PITPNM3: variants seen among roughly 807,000 people sequenced by gnomAD.
PITPNM3 encodes membrane-associated phosphatidylinositol transfer protein 3.
A neutral mutation model predicts 102.0 loss-of-function variants in PITPNM3; 26 were observed. The ratio of observed to expected loss-of-function variants is 0.25; its 90% CI spans 0.19 to 0.35. The LOEUF (loss-of-function observed/expected upper bound fraction) is 0.35. Ranked by LOEUF, PITPNM3 falls within the 10% of genes least tolerant of loss-of-function variation. PITPNM3 has a pLI of 1.00. For synonymous variants in PITPNM3, 578 were observed against 558.6 expected (o/e 1.03, Z -0.49); for missense variants, 1,083 against 1,346.1 (o/e 0.80, Z 3.06).
chr17:6,458,909 T>C lies in PITPNM3; in HGVS notation c.2491-1187A>G, dbSNP rs1055523783. 6.6e-6 allele frequency among the ~76,000 whole-genome samples: 1 copy of C among 151,348 alleles called. No individual in the cohort carries two copies. Among genetic ancestry groups the C allele is most frequent in the African/African-American group, 2.4e-5 (1 of 41,094 alleles). ...AGAGCCACGCAGCTCTCACCTTCCA[T>C]CTTCTTCCTGTCCTTCCCTGAGCCC... On this transcript the variant is annotated intron_variant, in intron 18 of 19. Transcript: ENST00000262483. This position sits in a 1 kb window ranked among gnomAD's most constrained non-coding sequence, Gnocchi z 5.1.
rs1444690815 is a variant in PITPNM3, at chr17:6,451,486, A to G, written c.*3852T>C. On this transcript the variant is annotated 3_prime_UTR_variant, in exon 20 of 20. Coordinates refer to ENST00000262483, the MANE Select transcript of PITPNM3 (RefSeq NM_031220.4). Reference sequence around the variant, plus strand: ...ACCACAGAACCATCTGTCACAGATAATACTGAAAGTTACACACTTAGGAAC... The same window carrying G: ...ACCACAGAACCATCTGTCACAGATAGTACTGAAAGTTACACACTTAGGAAC... 1 of 152,252 alleles carries G rather than the reference A, an allele frequency of 6.6e-6. No homozygotes were observed. Among genetic ancestry groups the G allele is most frequent in the East Asian group, 1.9e-4 (1 of 5,206 alleles). The allele number at this position is 152,252 out of a possible 1,614,324, so 9.4% of individuals were successfully genotyped here.
At chr17:6,463,634 G>T in intron 17 of PITPNM3, 98 bp downstream of exon 17, 1 of 1,492,866 alleles carries the variant, frequency 6.7e-7, no homozygotes, top group Middle Eastern at 2.4e-4. Context: ...GAGACCGGTA[G>T]AATTCCTACA....
At chr17:6,489,508 T>A (rs1216219542) in intron 4 of PITPNM3, among the ~76,000 whole-genome samples, 3 of 150,884 alleles carry the variant, frequency 2.0e-5, no homozygotes, top group Non-Finnish European at 4.4e-5. Context: ...CCGGCCCAGG[T>A]CACCAGGCCA....
At chr17:6,474,653 G>A in intron 9 of PITPNM3, 49 bp from the exon 10 acceptor site, 4 of 1,528,818 alleles carry the variant, frequency 2.6e-6, no homozygotes, top group Non-Finnish European at 3.5e-6. Context: ...GAAGGACCGA[G>A]AATGCGGGAG....
In PITPNM3 at chr17:6,455,297, GATTGGGCCCCCC is replaced by G. The variant is rs1287299282; in HGVS notation, c.*29_*40del. 2.3e-5 allele frequency: 35 copies of G among 1,533,494 alleles called. No individual in the cohort carries two copies. Among genetic ancestry groups the G allele is most frequent in the Non-Finnish European group, 3.1e-5 (35 of 1,144,628 alleles). The allele number at this position is 1,533,494 out of a possible 1,614,324, so 95.0% of individuals were successfully genotyped here. On this transcript the variant is annotated 3_prime_UTR_variant, in exon 20 of 20. Transcript: ENST00000262483. ...CCCCTCCCGTCCCCGCAGGCAGCCTGATTGGGCCCCCCGCTCCCTGCTCTGAGCACAGCCCAC... is the reference window on the plus strand; with the variant it reads ...CCCCTCCCGTCCCCGCAGGCAGCCTGGCTCCCTGCTCTGAGCACAGCCCAC...
At chr17:6,536,134 T>C (rs1597410675) in intron 2 of PITPNM3, among the ~76,000 whole-genome samples, 1 of 140,856 alleles carries the variant, frequency 7.1e-6, no homozygotes, top group Non-Finnish European at 1.5e-5. Flanking sequence ...GCCACCAACA[T>C]GGGAGGAGTG....
At chr17:6,549,853 G>T (rs1165883253) in intron 1 of PITPNM3, among the ~76,000 whole-genome samples, 3 of 152,116 alleles carry the variant, frequency 2.0e-5, no homozygotes. Flanking sequence ...CGGGCTCCTG[G>T]CTGCAGACCT....
At chr17:6,533,696 C>A (rs1427653212) in intron 2 of PITPNM3, among the ~76,000 whole-genome samples, 1 of 152,076 alleles carries the variant, frequency 6.6e-6, no homozygotes, top group Non-Finnish European at 1.5e-5. Flanking sequence ...AACTCGTGAT[C>A]CGCCTGCCTC....
At chr17:6,477,312 C>G (rs1418841563) in intron 8 of PITPNM3, 99 bp from the exon 9 acceptor site, 5 of 1,264,544 alleles carry the variant, frequency 4.0e-6, no homozygotes, top group Non-Finnish European at 5.6e-6. Flanking sequence ...ACCCCTTCAT[C>G]CTAAGATGTG....
At position 6,459,757 on chromosome 17, in the gene PITPNM3, G is replaced by A. The variant is rs1418190434; in HGVS notation, c.2490+1616C>T. 6.6e-6 allele frequency among the ~76,000 whole-genome samples: 1 copy of A among 152,124 alleles called. No homozygotes were observed. The highest frequency in any genetic ancestry group is 2.4e-5 in the African/African-American group (1 of 41,412). On this transcript the variant is annotated intron_variant, in intron 18 of 19. Transcript: ENST00000262483. This position sits in a 1 kb window ranked among gnomAD's most constrained non-coding sequence, Gnocchi z 5.0. ...CTGCCTCCATGGAGACCTTGGTCAG[G>A]TGTGTAGCACCTGGATCCCTCCTGG...
Position 6,457,626 on chromosome 17 carries a change from G to C in PITPNM3, c.2587C>G (p.Arg863Gly). 1 of 1,606,886 alleles carries C rather than the reference G, an allele frequency of 6.2e-7. No homozygotes were observed. The highest frequency in any genetic ancestry group is 8.5e-7 in the Non-Finnish European group (1 of 1,176,258). ...LPASQIFIVG[R>G]PTKKYQTQCQ... is the part of the protein sequence containing the mutation. ...TGGGTTTGGTACTTCTTGGTGGGCC[G>C]GCCCACAATGAAGATCTGGGAGGCA... The change falls in exon 19 of 20, where the codon CGG becomes GGG. Residue 863 changes from arginine to glycine, a missense_variant. By Grantham distance (125) the Arg-to-Gly change is moderately radical. Transcript: ENST00000262483. The surrounding 1 kb of genome is among the most constrained non-coding windows in gnomAD (Gnocchi z 4.7).
intron 2 of PITPNM3, among the ~76,000 whole-genome samples, chr17:6,527,539 T>A (rs1224418958): frequency 2.0e-5 from 3 of 152,164 alleles, no homozygotes; most frequent in Admixed American, 2.0e-4. Context: ...TCACTCTTGG[T>A]TCCACTCCTG....
chr17:6,476,879 G>T, intron 9 of PITPNM3, 150 bp downstream of exon 9: 1 of 912,590 alleles, frequency 1.1e-6, no homozygotes, highest in Admixed American at 2.5e-5. Flanking sequence ...TGGTCCCTCA[G>T]TACAGGGCCG....
In PITPNM3 at chr17:6,453,171, C is replaced by T. The variant is rs1444926413; in HGVS notation, c.*2167G>A. 1 of 151,944 alleles carries T rather than the reference C, an allele frequency of 6.6e-6. No homozygotes were observed. Among genetic ancestry groups the T allele is most frequent in the African/African-American group, 2.4e-5 (1 of 41,332 alleles). 9.4% of individuals were successfully genotyped at this position (151,944 alleles called of 1,614,324 possible). A position where few individuals can be genotyped will look rare whatever the true frequency, so the allele number is the denominator to read the frequency against. ...TCTCTCTCTTTCTCTCTCCCTCTCCCTCTCTCGCCTAGCCTGGGGTTCTCA... is the reference window on the plus strand; with the variant it reads ...TCTCTCTCTTTCTCTCTCCCTCTCCTTCTCTCGCCTAGCCTGGGGTTCTCA... On this transcript the variant is annotated 3_prime_UTR_variant, in exon 20 of 20. Coordinates refer to ENST00000262483, the MANE Select transcript of PITPNM3 (RefSeq NM_031220.4).
chr17:6,542,488 T>A (rs1429348481), intron 1 of PITPNM3, among the ~76,000 whole-genome samples: 1 of 152,156 alleles, frequency 6.6e-6, no homozygotes, highest in Admixed American at 6.5e-5. Flanking sequence ...GCTCCAGCCA[T>A]GGGTGAAAAT....
In PITPNM3 at chr17:6,455,400, CGTG is replaced by C; in HGVS notation, c.2860_2862del (p.His954del). 6.3e-7 allele frequency: 1 copy of C among 1,599,800 alleles called. No homozygotes were observed. On this transcript the variant is annotated inframe_deletion, in exon 20 of 20. Coordinates refer to ENST00000262483, the MANE Select transcript of PITPNM3 (RefSeq NM_031220.4). Reference sequence around the variant, plus strand: ...CAGCTGAGCGCCGGCAGCGGCCGCTCGTGGTCTTTGTCCGACTCGGGCTGGCTC... The same window carrying C: ...CAGCTGAGCGCCGGCAGCGGCCGCTCGTCTTTGTCCGACTCGGGCTGGCTC...
rs1359826974 is a variant in PITPNM3 at position 6,458,634 on chromosome 17, G to A, written c.2491-912C>T. ...TCTGCCCCCTCCCCACCACTTCTCC[G>A]CCAGCCCCCACCTGGCTGCTCTCAG... On this transcript the variant is annotated intron_variant, in intron 18 of 19. Coordinates refer to ENST00000262483, the MANE Select transcript of PITPNM3 (RefSeq NM_031220.4). The surrounding 1 kb of genome is among the most constrained non-coding windows in gnomAD (Gnocchi z 5.1). Among the ~76,000 whole-genome samples, 2 of 151,746 alleles carry A rather than the reference G, an allele frequency of 1.3e-5. No individual in the cohort carries two copies. Among genetic ancestry groups the A allele is most frequent in the Admixed American group, 6.6e-5 (1 of 15,250 alleles).
intron 17 of PITPNM3, 113 bp from the exon 18 acceptor site, chr17:6,461,669 G>C (rs1904467653): frequency 8.0e-7 from 1 of 1,243,028 alleles, no homozygotes; most frequent in Admixed American, 1.7e-5. Flanking sequence ...ACGAGTCTGA[G>C]GCGTGCTAGG....
chr17:6,541,485 G>A (rs1297348796), intron 1 of PITPNM3, among the ~76,000 whole-genome samples: 1 of 152,130 alleles, frequency 6.6e-6, no homozygotes, highest in Non-Finnish European at 1.5e-5. Context: ...AAGGGGGACA[G>A]GAATAGGGGA....
Sources: allele counts gnomAD v4.1 joint callset (sites outside exome capture counted in the v4.1 genomes callset), GRCh38; gene constraint gnomAD v4.1.1; non-coding constraint Gnocchi (gnomAD v3.1); transcripts MANE v1.5; gene names NCBI Gene and HGNC (gene_info 2026-07-23, HGNC 2026-07-21).